Variants in SGCZ observed in about 807,000 individuals in gnomAD.
The protein encoded by SGCZ is sarcoglycan zeta, also known as zeta-sarcoglycan.
A neutral mutation model predicts 41.3 loss-of-function variants in SGCZ; 40 were observed. The observed-to-expected ratio is 0.97, with a 90% confidence interval of 0.75 to 1.26. The LOEUF (loss-of-function observed/expected upper bound fraction) is 1.26. SGCZ is among the 50% of genes most tolerant of loss of function. The pLI is 0.00. For synonymous variants in SGCZ, 206 were observed against 137.5 expected, an observed-to-expected ratio of 1.50 and a Z score of -3.49; for missense variants, 552 against 369.8, an observed-to-expected ratio of 1.49 and a Z score of -4.04.
intron 1 of SGCZ, among the ~76,000 whole-genome samples, chr8:14,993,469 T>C (rs9657247): frequency 0.081 from 12,255 of 152,018 alleles, 789 homozygotes; most frequent in African/African-American, 0.17. Context: ...AGACCATAAA[T>C]AAATAAATAT....
At chr8:14,663,711 C>T (rs1286890986) in intron 1 of SGCZ, among the ~76,000 whole-genome samples, 3 of 152,082 alleles carry the variant, frequency 2.0e-5, no homozygotes, top group Admixed American at 2.0e-4. Context: ...CGATATGTCC[C>T]TTGATGTTCA....
intron 3 of SGCZ, among the ~76,000 whole-genome samples, chr8:14,272,112 T>G (rs1800086563): frequency 6.6e-6 from 1 of 152,164 alleles, no homozygotes; most frequent in African/African-American, 2.4e-5. Context: ...CAAGCGATTC[T>G]CCTGCCTCAG....
chr8:14,244,121 AT>A (rs1375964297), intron 3 of SGCZ, among the ~76,000 whole-genome samples: 2 of 151,958 alleles, frequency 1.3e-5, no homozygotes, highest in Admixed American at 1.3e-4. Flanking sequence ...TTAGGAAGCC[AT>A]TACTCCCCTT....
At chr8:14,667,646 T>G (rs1315995652) in intron 1 of SGCZ, among the ~76,000 whole-genome samples, 3 of 152,166 alleles carry the variant, frequency 2.0e-5, no homozygotes, top group Admixed American at 6.6e-5. Context: ...TACTTAAAAA[T>G]CTAATGATTC....
chr8:14,511,097 G>A (rs1046496016), intron 2 of SGCZ, among the ~76,000 whole-genome samples: 4 of 151,944 alleles, frequency 2.6e-5, no homozygotes, highest in Non-Finnish European at 5.9e-5. Flanking sequence ...TGAATTATGT[G>A]TCACAAATGG....
chr8:14,893,334 G>C (rs533689545), intron 1 of SGCZ, among the ~76,000 whole-genome samples: 2 of 152,262 alleles, frequency 1.3e-5, no homozygotes, highest in African/African-American at 4.8e-5. Flanking sequence ...TCTCCAGAAA[G>C]AAAACAGCCC....
intron 5 of SGCZ, among the ~76,000 whole-genome samples, chr8:14,108,867 A>G (rs757684619): frequency 1.1e-4 from 16 of 152,336 alleles, no homozygotes; most frequent in Non-Finnish European, 2.1e-4. Flanking sequence ...AAAGAACAAA[A>G]GCTCATCTCT....
chr8:15,235,050 T>C (rs1802077857), intron 1 of SGCZ, among the ~76,000 whole-genome samples: 2 of 152,178 alleles, frequency 1.3e-5, no homozygotes, highest in Non-Finnish European at 2.9e-5. Context: ...AGTCAAAACA[T>C]GCAAATAATG....
At chr8:14,251,143 G>C (rs536900900) in intron 3 of SGCZ, among the ~76,000 whole-genome samples, 1 of 152,090 alleles carries the variant, frequency 6.6e-6, no homozygotes, top group Non-Finnish European at 1.5e-5. Context: ...CAAGAGAATT[G>C]CTTGAACTCG....
intron 3 of SGCZ, among the ~76,000 whole-genome samples, chr8:14,314,281 G>C (rs575263945): frequency 2.6e-4 from 34 of 132,956 alleles, no homozygotes; most frequent in Non-Finnish European, 5.5e-4. Context: ...TTCTATCATA[G>C]TATTATTTTT....
chr8:14,652,862 T>C (rs540001029), intron 1 of SGCZ, among the ~76,000 whole-genome samples: 48 of 152,232 alleles, frequency 3.2e-4, no homozygotes, highest in African/African-American at 1.2e-3. Context: ...CCATTGGGTA[T>C]CATTAACTCG....
chr8:14,844,402 G>T (rs1336369033), intron 1 of SGCZ, among the ~76,000 whole-genome samples: 1 of 152,134 alleles, frequency 6.6e-6, no homozygotes, highest in Non-Finnish European at 1.5e-5. Flanking sequence ...CCATACCCCT[G>T]TGGAATGAGT....
intron 2 of SGCZ, among the ~76,000 whole-genome samples, chr8:14,394,169 G>A (rs902072106): frequency 2.6e-5 from 1 of 38,872 alleles, no homozygotes; most frequent in African/African-American, 9.6e-5. Context: ...TTTTTTTTTT[G>A]AGATTTAGTC....
chr8:14,549,894 G>A (rs1803747436), intron 2 of SGCZ, among the ~76,000 whole-genome samples: 1 of 151,968 alleles, frequency 6.6e-6, no homozygotes, highest in Non-Finnish European at 1.5e-5. Flanking sequence ...AGTTTAGATG[G>A]GAATTAATTG....
At chr8:14,509,466 T>C (rs1480455529) in intron 2 of SGCZ, among the ~76,000 whole-genome samples, 1 of 152,162 alleles carries the variant, frequency 6.6e-6, no homozygotes. Flanking sequence ...AGAAAAAATA[T>C]GATGTGCCCA....
chr8:14,846,271 G>A (rs552270928), intron 1 of SGCZ, among the ~76,000 whole-genome samples: 1 of 152,010 alleles, frequency 6.6e-6, no homozygotes, highest in Non-Finnish European at 1.5e-5. Flanking sequence ...GAATTCACCT[G>A]AATATATGAG....
chr8:14,605,747 A>G (rs1380449832), intron 1 of SGCZ, among the ~76,000 whole-genome samples: 1 of 152,192 alleles, frequency 6.6e-6, no homozygotes, highest in African/African-American at 2.4e-5. Context: ...GTTTCATTAG[A>G]AACTGTGTAA....
chr8:14,530,416 T>C (rs1037651665), intron 2 of SGCZ, among the ~76,000 whole-genome samples: 4 of 152,146 alleles, frequency 2.6e-5, no homozygotes, highest in African/African-American at 9.7e-5. Context: ...TGTCTGATCA[T>C]GTTTTTATTT....
chr8:15,165,256 C>T (rs959647362), intron 1 of SGCZ, among the ~76,000 whole-genome samples: 2 of 152,164 alleles, frequency 1.3e-5, no homozygotes, highest in Non-Finnish European at 2.9e-5. Flanking sequence ...CACTGCTGCA[C>T]TCCAGCCTGG....
Sources: allele counts gnomAD v4.1 joint callset (sites outside exome capture counted in the v4.1 genomes callset), GRCh38; gene constraint gnomAD v4.1.1; transcripts MANE v1.5; gene names NCBI Gene and HGNC (gene_info 2026-07-23, HGNC 2026-07-21).